The following SGCZ variants were observed in gnomAD, a reference collection of about 807,000 sequenced individuals.
SGCZ encodes the protein zeta-sarcoglycan.
A neutral mutation model predicts 41.3 loss-of-function variants in SGCZ; 40 were observed. The observed-to-expected ratio is 0.97, with a 90% CI of 0.75 to 1.26. SGCZ has a LOEUF of 1.26. SGCZ is among the 50% of genes most tolerant of loss of function. SGCZ has a pLI of 0.00. For missense variants in SGCZ, 552 were observed against 369.8 expected (o/e 1.49, Z -4.04); for synonymous variants, 206 against 137.5 (o/e 1.50, Z -3.49).
intron 5 of SGCZ, among the ~76,000 whole-genome samples, chr8:14,134,889 T>C (rs140825675): frequency 6.6e-6 from 1 of 152,196 alleles, no homozygotes; most frequent in South Asian, 2.1e-4. Flanking sequence ...ACATGACAGA[T>C]ATAATAGTTC....
chr8:14,636,224 G>T, intron 1 of SGCZ, among the ~76,000 whole-genome samples: 1 of 151,804 alleles, frequency 6.6e-6, no homozygotes, highest in East Asian at 1.9e-4. Flanking sequence ...TTATAGAGAA[G>T]CTGGTAGTGA....
intron 4 of SGCZ, among the ~76,000 whole-genome samples, chr8:14,217,217 A>G (rs560592220): frequency 6.8e-6 from 1 of 147,122 alleles, no homozygotes; most frequent in Non-Finnish European, 1.5e-5. Flanking sequence ...AATGGCGTGA[A>G]CCTGGGAGGC....
intron 2 of SGCZ, among the ~76,000 whole-genome samples, chr8:14,354,622 G>A (rs10113011): frequency 0.026 from 3,989 of 151,490 alleles, 143 homozygotes; most frequent in African/African-American, 0.09. Context: ...ATAAACCATC[G>A]TGTCTACATA....
At chr8:14,381,922 G>T (rs1804381375) in intron 2 of SGCZ, among the ~76,000 whole-genome samples, 1 of 152,110 alleles carries the variant, frequency 6.6e-6, no homozygotes, top group Non-Finnish European at 1.5e-5. Flanking sequence ...ATTTTTAGCT[G>T]CTTCTTATAC....
intron 5 of SGCZ, among the ~76,000 whole-genome samples, chr8:14,144,058 G>A (rs527490808): frequency 1.1e-4 from 17 of 152,286 alleles, no homozygotes; most frequent in African/African-American, 4.1e-4. Context: ...TCTAGGCCAT[G>A]AGGACTTGCC....
chr8:14,991,123 G>A (rs1191119085), intron 1 of SGCZ, among the ~76,000 whole-genome samples: 1 of 152,120 alleles, frequency 6.6e-6, no homozygotes. Flanking sequence ...ATTTTGGCAA[G>A]CATAAGGTTG....
intron 1 of SGCZ, among the ~76,000 whole-genome samples, chr8:14,930,885 G>C (rs550761302): frequency 2.0e-5 from 3 of 152,034 alleles, no homozygotes; most frequent in East Asian, 3.9e-4. Flanking sequence ...ATGTAGGGGA[G>C]AGATAACATT....
At chr8:14,323,719 G>A (rs1802005044) in intron 3 of SGCZ, among the ~76,000 whole-genome samples, 1 of 152,064 alleles carries the variant, frequency 6.6e-6, no homozygotes, top group South Asian at 2.1e-4. Context: ...TATTAATGCT[G>A]ATCAGATACA....
At chr8:14,741,761 C>T (rs1321234607) in intron 1 of SGCZ, among the ~76,000 whole-genome samples, 2 of 151,882 alleles carry the variant, frequency 1.3e-5, no homozygotes, top group Non-Finnish European at 2.9e-5. Context: ...ATTTGAACAC[C>T]ATGAATCATT....
At chr8:15,019,127 A>G (rs758969511) in intron 1 of SGCZ, among the ~76,000 whole-genome samples, 5 of 152,208 alleles carry the variant, frequency 3.3e-5, no homozygotes, top group Non-Finnish European at 7.4e-5. Context: ...TCAACATGGA[A>G]GATTACAACT....
chr8:14,202,449 T>G (rs1002594805), intron 4 of SGCZ, among the ~76,000 whole-genome samples: 1 of 152,132 alleles, frequency 6.6e-6, no homozygotes, highest in African/African-American at 2.4e-5. Context: ...CAGCCATAGA[T>G]AACGAATGTA....
intron 2 of SGCZ, among the ~76,000 whole-genome samples, chr8:14,386,302 T>TA (rs5889531): frequency 0.087 from 12,026 of 138,320 alleles, 921 homozygotes; most frequent in East Asian, 0.38. Context: ...TGCATCATGG[T>TA]AAAAAAAAAA....
chr8:14,201,244 C>T (rs900862512), intron 4 of SGCZ, among the ~76,000 whole-genome samples: 12 of 152,096 alleles, frequency 7.9e-5, no homozygotes, highest in African/African-American at 2.9e-4. Flanking sequence ...CTACACTTAT[C>T]ATACAACGTT....
At chr8:15,202,763 G>C (rs1050260715) in intron 1 of SGCZ, among the ~76,000 whole-genome samples, 4 of 152,142 alleles carry the variant, frequency 2.6e-5, no homozygotes, top group African/African-American at 7.2e-5. Flanking sequence ...TTTTAGAAAT[G>C]AGAGAAATTA....
intron 1 of SGCZ, among the ~76,000 whole-genome samples, chr8:14,689,317 T>C (rs1808723406): frequency 6.6e-6 from 1 of 152,170 alleles, no homozygotes; most frequent in South Asian, 2.1e-4. Context: ...TGAAAACTTT[T>C]AATTAATGAA....
chr8:14,452,489 AT>A (rs1233867371), intron 2 of SGCZ, among the ~76,000 whole-genome samples: 4 of 151,846 alleles, frequency 2.6e-5, no homozygotes, highest in Admixed American at 2.0e-4. Context: ...TCTCAAAAAA[AT>A]AATAATAATA....
intron 1 of SGCZ, among the ~76,000 whole-genome samples, chr8:15,077,112 G>A (rs1236692893): frequency 1.3e-5 from 2 of 152,198 alleles, no homozygotes; most frequent in African/African-American, 4.8e-5. Context: ...CTGTAATGAA[G>A]TGGATTCTTT....
chr8:14,134,049 A>ATGAT (rs1172230452), intron 5 of SGCZ, among the ~76,000 whole-genome samples: 1 of 152,242 alleles, frequency 6.6e-6, no homozygotes, highest in African/African-American at 2.4e-5. Flanking sequence ...CCAATACATT[A>ATGAT]TGATGTATAA....
intron 1 of SGCZ, among the ~76,000 whole-genome samples, chr8:14,952,716 G>C (rs1246968585): frequency 1.3e-5 from 2 of 152,126 alleles, no homozygotes; most frequent in East Asian, 3.9e-4. Flanking sequence ...CAAAGAAGAA[G>C]TGGGGCAGGG....
Sources: gnomAD v4.1 joint callset for allele counts (sites outside exome capture counted in the v4.1 genomes callset) on GRCh38, gnomAD v4.1.1 for gene constraint, MANE v1.5 for transcripts, NCBI Gene and HGNC (gene_info 2026-07-23, HGNC 2026-07-21) for gene names.